The following SGPP1 variants were observed in gnomAD, a reference collection of about 807,000 sequenced individuals.
The protein encoded by SGPP1 is sphingosine-1-phosphate phosphatase 1.
A neutral mutation model predicts 33.0 loss-of-function variants in SGPP1; 21 were observed. The observed-to-expected ratio is 0.64, with a 90% CI of 0.45 to 0.92. The LOEUF is 0.92. SGPP1 is among the 40% of genes least tolerant of loss of function. The pLI, the probability that SGPP1 is intolerant of heterozygous loss-of-function variation, is 0.00. For synonymous variants in SGPP1, 239 were observed against 241.2 expected (o/e 0.99, Z 0.08); for missense variants, 543 against 589.4 (o/e 0.92, Z 0.81).
intron 1 of SGPP1, among the ~76,000 whole-genome samples, chr14:63,720,106 CAGAG>C (rs566567697): frequency 1.5e-3 from 195 of 134,336 alleles, no homozygotes; most frequent in Middle Eastern, 5.0e-3. Flanking sequence ...AGCCGGGCGA[CAGAG>C]GGAGCCTGCA....
chr14:63,705,381 AT>A (rs1468101984), intron 1 of SGPP1, among the ~76,000 whole-genome samples: 1 of 151,172 alleles, frequency 6.6e-6, no homozygotes, highest in Non-Finnish European at 1.5e-5. Context: ...ACATGAAAAT[AT>A]GCTCGCCTGG....
chr14:63,724,293 G>A (rs1885831679), intron 1 of SGPP1, among the ~76,000 whole-genome samples: 1 of 152,134 alleles, frequency 6.6e-6, no homozygotes, highest in Admixed American at 6.6e-5. Context: ...ACATTAAGTA[G>A]TAGGTAGTAG....
chr14:63,697,778 T>C (rs767995388), intron 2 of SGPP1, among the ~76,000 whole-genome samples: 6 of 152,140 alleles, frequency 3.9e-5, no homozygotes, highest in African/African-American at 7.2e-5. Flanking sequence ...TCCAAGTAAA[T>C]GTTACAGCAT....
Position 63,711,962 on chromosome 14 carries a change from G to A in SGPP1, c.685-13304C>T, listed in dbSNP as rs1268321548. 8.0e-5 allele frequency among the ~76,000 whole-genome samples: 12 copies of A among 150,942 alleles called. No homozygotes were observed. In the East Asian group the frequency reaches 1.2e-3, roughly 15 times the overall value. On this transcript the variant is annotated intron_variant, in intron 1 of 2. Transcript: ENST00000247225. ...GGAGAATCGCTTGAACCTGGGAGGC[G>A]GAGGTTGCAGCGAGCCAAGATCGCA...
intron 1 of SGPP1, among the ~76,000 whole-genome samples, chr14:63,703,213 A>G (rs1372276489): frequency 5.3e-5 from 8 of 152,146 alleles, no homozygotes; most frequent in African/African-American, 1.9e-4. Context: ...CAGCAATAAA[A>G]AAAAAACCCT....
chr14:63,715,515 T>C (rs1595070801), intron 1 of SGPP1, among the ~76,000 whole-genome samples: 2 of 152,270 alleles, frequency 1.3e-5, no homozygotes, highest in East Asian at 3.9e-4. Context: ...GTTTCACTCT[T>C]GTGAAACTCA....
chr14:63,690,693 T>C (rs937096208), intron 2 of SGPP1, among the ~76,000 whole-genome samples: 1 of 152,318 alleles, frequency 6.6e-6, no homozygotes, highest in East Asian at 1.9e-4. Flanking sequence ...TACTACATGA[T>C]AGATATAAGA....
At chr14:63,726,643 C>A (rs527582479) in intron 1 of SGPP1, among the ~76,000 whole-genome samples, 11 of 152,256 alleles carry the variant, frequency 7.2e-5, no homozygotes, top group Non-Finnish European at 1.6e-4. Flanking sequence ...GATTAGTGAT[C>A]CAGAAGATAA....
At chr14:63,708,659 T>C (rs1885465169) in intron 1 of SGPP1, among the ~76,000 whole-genome samples, 1 of 152,200 alleles carries the variant, frequency 6.6e-6, no homozygotes, top group Non-Finnish European at 1.5e-5. Context: ...ATGAATTTAT[T>C]ATTTACTGAG....
rs574866343 is a variant in SGPP1, at chr14:63,691,502, T to G, written c.775-4846A>C. Among the ~76,000 whole-genome samples the G allele has an allele frequency of 5.9e-5, 9 of 152,340 alleles. No individual in the cohort carries two copies. The South Asian group carries it at 6.2e-4, about 11-fold the overall frequency. ...CCATAAACTTTCTTCTCCTACCCTG[T>G]AATAAGAAATTTTCTCTTCTTTGAT... On this transcript the variant is annotated intron_variant, in intron 2 of 2. Coordinates refer to ENST00000247225, the MANE Select transcript of SGPP1 (RefSeq NM_030791.4).
chr14:63,686,500 T>A lies in SGPP1; in HGVS notation c.931A>T (p.Thr311Ser). The change falls in exon 3 of 3, where the codon ACC (threonine) becomes TCC (serine). Residue 311 changes from threonine (T) to serine (S), a missense_variant. Physicochemically the swap from Thr to Ser is moderately conservative, Grantham distance 58 (BLOSUM62 1). Transcript: ENST00000247225. ...ALGIFSFTLD[T>S]WSTSRGDTAE... ...GTGTCTCCTCGGGATGTGCTCCAGG[T>A]GTCAAGAGTGAAAGAAAAGATCCCC... The A allele has an allele frequency of 3.1e-6, 5 of 1,614,020 alleles. No individual in the cohort carries two copies. The highest frequency in any genetic ancestry group is 2.2e-5 in the East Asian group (1 of 44,872).
intron 1 of SGPP1, among the ~76,000 whole-genome samples, chr14:63,720,480 C>T (rs537928409): frequency 8.1e-5 from 12 of 148,266 alleles, no homozygotes; most frequent in Admixed American, 4.0e-4. Flanking sequence ...CTATATAGGC[C>T]GGGTGCGGTG....
intron 1 of SGPP1, among the ~76,000 whole-genome samples, chr14:63,705,788 T>C (rs73265728): frequency 0.042 from 6,327 of 152,270 alleles, 444 homozygotes; most frequent in African/African-American, 0.14. Context: ...GTAACAAGTA[T>C]TGGTGAGTAT....
chr14:63,708,151 A>G (rs1419907929), intron 1 of SGPP1, among the ~76,000 whole-genome samples: 3 of 151,244 alleles, frequency 2.0e-5, no homozygotes, highest in Non-Finnish European at 4.4e-5. Context: ...TTTCTGATAC[A>G]TATTTGTGGT....
rs553377758 is a variant in SGPP1 at position 63,691,715 on chromosome 14, A to AT, written c.775-5060dup. 3.3e-5 allele frequency among the ~76,000 whole-genome samples: 5 copies of AT among 152,310 alleles called. No homozygotes were observed. In the South Asian group the frequency reaches 1.0e-3, roughly 32 times the overall value. On this transcript the variant is annotated intron_variant, in intron 2 of 2. Coordinates refer to ENST00000247225, the MANE Select transcript of SGPP1 (RefSeq NM_030791.4). The stretch of plus-strand genomic sequence containing the variant: ...ACTGAAGTGGGGGTAGGGCATCAGT[A>AT]TTTTTTAAAAATCTCCCCAGTGATT...
intron 1 of SGPP1, among the ~76,000 whole-genome samples, chr14:63,716,879 G>C (rs1414403871): frequency 2.0e-5 from 3 of 152,028 alleles, no homozygotes; most frequent in African/African-American, 7.2e-5. Flanking sequence ...TTTTAGTAGA[G>C]AGGAGGTTTC....
At chr14:63,706,571 G>T (rs533326989) in intron 1 of SGPP1, among the ~76,000 whole-genome samples, 1 of 152,068 alleles carries the variant, frequency 6.6e-6, no homozygotes, top group Non-Finnish European at 1.5e-5. Context: ...CACATAGTGC[G>T]CAGTCAATTA....
chr14:63,715,331 C>T lies in SGPP1; in HGVS notation c.684+11930G>A, dbSNP rs554231197. 3.3e-5 allele frequency among the ~76,000 whole-genome samples: 5 copies of T among 152,232 alleles called. No individual in the cohort carries two copies. The East Asian group carries it at 9.7e-4, about 29-fold the overall frequency. On this transcript the variant is annotated intron_variant, in intron 1 of 2. Transcript: ENST00000247225. ...CACCCAGCCAATGACCTTATGAATA[C>T]AGTTCATCTGCTCATAACTGTTGTA...
intron 1 of SGPP1, among the ~76,000 whole-genome samples, chr14:63,701,547 C>T (rs868518692): frequency 1.3e-5 from 2 of 151,874 alleles, no homozygotes; most frequent in African/African-American, 2.4e-5. Context: ...ACTAGGCAGG[C>T]GAATCAGTGA....
Sources: allele counts gnomAD v4.1 joint callset (sites outside exome capture counted in the v4.1 genomes callset), GRCh38; gene constraint gnomAD v4.1.1; transcripts MANE v1.5; gene names NCBI Gene and HGNC (gene_info 2026-07-23, HGNC 2026-07-21).